EPSTI1: variants seen among roughly 807,000 people sequenced by gnomAD.
The protein encoded by EPSTI1 is epithelial stromal interaction 1, also known as epithelial-stromal interaction protein 1.
Under a neutral mutation model 49.9 loss-of-function variants are expected in EPSTI1, and 66 were observed. The observed-to-expected ratio is 1.32, with a 90% confidence interval of 1.08 to 1.62. EPSTI1 has a LOEUF of 1.62. Among genes scored for constraint, EPSTI1 ranks in the 40% most tolerant of loss-of-function variants. The pLI, the probability that EPSTI1 is intolerant of heterozygous loss-of-function variation, is 0.00. For synonymous variants in EPSTI1, 137 were observed against 130.7 expected (o/e 1.05, Z -0.33); for missense variants, 394 against 365.5 (o/e 1.08, Z -0.64).
rs2153437936 is a variant in EPSTI1 at position 42,992,017 on chromosome 13, C to G, written c.149G>C (p.Gly50Ala). 6.2e-7 allele frequency: 1 copy of G among 1,613,446 alleles called. No homozygotes were observed. The highest frequency in any genetic ancestry group is 8.5e-7 in the Non-Finnish European group (1 of 1,180,024). The stretch of plus-strand genomic sequence containing the variant: ...GTGCACGACGCTCTCCCGCGAAGGG[C>G]CCTTAGGGGCTGCCTCCAAACCCTC... The part of the protein sequence containing the change: ...QREGLEAAPK[G>A]PSRESVVHAG... Residue 50 changes from glycine (G) to alanine (A), a missense_variant, in exon 1 of 11, where the codon GGC (glycine) becomes GCC (alanine). Coordinates refer to ENST00000313624, the MANE Select transcript of EPSTI1 (RefSeq NM_033255.5).
intron 9 of EPSTI1, 23 bp downstream of exon 9, chr13:42,900,287 C>T: frequency 1.2e-6 from 2 of 1,605,774 alleles, no homozygotes; most frequent in South Asian, 1.1e-5. Context: ...ACCAAGGATG[C>T]TTATTTTATT....
intron 1 of EPSTI1, among the ~76,000 whole-genome samples, chr13:42,989,861 G>A (rs551874150): frequency 1.3e-5 from 2 of 151,966 alleles, no homozygotes; most frequent in East Asian, 1.9e-4. Context: ...CCAAAGTGCT[G>A]GGATTACAGG....
chr13:42,983,350 G>C (rs961687165), intron 1 of EPSTI1, among the ~76,000 whole-genome samples: 18 of 152,096 alleles, frequency 1.2e-4, no homozygotes, highest in Admixed American at 1.2e-3. Flanking sequence ...TGGATCACGA[G>C]GTCAGCAGTT....
intron 3 of EPSTI1, among the ~76,000 whole-genome samples, chr13:42,966,480 G>A (rs1303692136): frequency 2.5e-5 from 1 of 40,310 alleles, no homozygotes; most frequent in Non-Finnish European, 5.2e-5. Flanking sequence ...CCGAGACCCC[G>A]TCTGGGAGGT....
rs1211643171 is a variant in EPSTI1 at position 42,992,227 on chromosome 13, AGC to A, written c.-64_-63del. 1.2e-5 allele frequency: 17 copies of A among 1,466,680 alleles called. No homozygotes were observed. The East Asian group carries it at 4.1e-4, about 35-fold the overall frequency. The allele number at this position is 1,466,680 out of a possible 1,614,324, so 90.9% of individuals were successfully genotyped here. The stretch of plus-strand genomic sequence containing the variant: ...CGGGAGGGATGCGGCTGGGACGCTT[AGC>A]GAGTCTCAAGATGGGATTCCAAAGT... On this transcript the variant is annotated 5_prime_UTR_variant, in exon 1 of 11. Coordinates refer to ENST00000313624, the MANE Select transcript of EPSTI1 (RefSeq NM_033255.5).
At chr13:42,908,198 G>A (rs879679735) in intron 8 of EPSTI1, among the ~76,000 whole-genome samples, 3 of 152,174 alleles carry the variant, frequency 2.0e-5, no homozygotes, top group Non-Finnish European at 4.4e-5. Flanking sequence ...AAGAGAATAT[G>A]GGGGAAGCTG....
At chr13:42,890,300 T>C (rs1306161012) in intron 10 of EPSTI1, among the ~76,000 whole-genome samples, 5 of 136,656 alleles carry the variant, frequency 3.7e-5, no homozygotes, top group Admixed American at 2.3e-4. Flanking sequence ...TCTTTTCTTT[T>C]TTTTTTTTTT....
At chr13:42,938,932 A>AAC (rs1566136910) in intron 6 of EPSTI1, among the ~76,000 whole-genome samples, 3 of 149,768 alleles carry the variant, frequency 2.0e-5, no homozygotes, top group African/African-American at 7.4e-5. Flanking sequence ...AAAAAAAAAA[A>AAC]TCTGTTGTTT....
rs566804634 is a variant in EPSTI1 at position 42,954,853 on chromosome 13, T to A, written c.490-832A>T. Among the ~76,000 whole-genome samples the A allele has an allele frequency of 7.3e-5, 11 of 151,592 alleles. No homozygotes were observed. In the South Asian group the frequency reaches 1.3e-3, roughly 17 times the overall value. ...CAAGAGAGACAGTAAGGAGCTGGGG[T>A]TGCTTTAATAAAAATTGGATTTGCC... On this transcript the variant is annotated intron_variant, in intron 5 of 10. Coordinates refer to ENST00000313624, the MANE Select transcript of EPSTI1 (RefSeq NM_033255.5).
chr13:42,989,334 G>A (rs1246958020), intron 1 of EPSTI1, among the ~76,000 whole-genome samples: 2 of 151,976 alleles, frequency 1.3e-5, no homozygotes, highest in African/African-American at 4.8e-5. Flanking sequence ...AGGAAACTGA[G>A]GCATAAAGTA....
At position 42,964,557 on chromosome 13, in the gene EPSTI1, T is replaced by A. The variant is rs74061452; in HGVS notation, c.332-418A>T. Among the ~76,000 whole-genome samples the A allele has an allele frequency of 8.5e-3, 1,294 of 152,300 alleles. 19 individuals are homozygous for A. Among genetic ancestry groups the A allele is most frequent in the African/African-American group, 0.029 (1,214 of 41,554 alleles). On this transcript the variant is annotated intron_variant, in intron 3 of 10. Transcript: ENST00000313624. ...ATCAAAGGTGCTTCTATTGCTTTTC[T>A]TCTTCTAACTCTATTGCCTTATATT...
rs561807314 is a variant in EPSTI1 at position 42,964,122 on chromosome 13, T to C, written c.349A>G (p.Thr117Ala). The change falls in exon 4 of 11, where the codon ACT becomes GCT. Residue 117 changes from threonine (T) to alanine (A), a missense_variant. Transcript: ENST00000313624. ...AGTTGTTGTTTCTGTCTGACTTCAG[T>C]TTCTGACTGGCTTCCACCTTAGGAA... The part of the protein sequence containing the change: ...PRRLGGSQSE[T>A]EVRQKQQLQL... 4.3e-6 allele frequency: 7 copies of C among 1,613,528 alleles called. No individual in the cohort carries two copies. The South Asian group carries it at 4.4e-5, about 10-fold the overall frequency.
chr13:42,962,212 G>A (rs988809962), intron 5 of EPSTI1, among the ~76,000 whole-genome samples: 7 of 152,218 alleles, frequency 4.6e-5, no homozygotes, highest in African/African-American at 1.2e-4. Flanking sequence ...TATGCTCCTC[G>A]AGCTTTTATG....
At chr13:42,955,882 G>GA (rs940832591) in intron 5 of EPSTI1, among the ~76,000 whole-genome samples, 1 of 144,506 alleles carries the variant, frequency 6.9e-6, no homozygotes, top group Non-Finnish European at 1.5e-5. Context: ...GTATTTGGGG[G>GA]GGGGGGGAAG....
chr13:42,981,847 A>T (rs1333731093), intron 1 of EPSTI1, among the ~76,000 whole-genome samples: 1 of 152,102 alleles, frequency 6.6e-6, no homozygotes, highest in Non-Finnish European at 1.5e-5. Flanking sequence ...GTTTTGTGAA[A>T]TTTTTTCAGT....
At chr13:42,964,005 C>T (rs2039535679) in intron 4 of EPSTI1, 61 bp downstream of exon 4, 1 of 1,407,698 alleles carries the variant, frequency 7.1e-7, no homozygotes, top group Admixed American at 2.0e-5. Flanking sequence ...TTCACAGTTA[C>T]TTGTAAGAGC....
At chr13:42,946,447 A>G (rs1395181513) in intron 6 of EPSTI1, among the ~76,000 whole-genome samples, 1 of 152,172 alleles carries the variant, frequency 6.6e-6, no homozygotes, top group East Asian at 1.9e-4. Flanking sequence ...TGGAAATTGT[A>G]CGTAGGAATA....
chr13:42,906,468 C>T (rs1162885349), intron 8 of EPSTI1, among the ~76,000 whole-genome samples: 2 of 152,172 alleles, frequency 1.3e-5, no homozygotes, highest in South Asian at 2.1e-4. Flanking sequence ...AAAATGCCAT[C>T]GCCTGGCAAA....
At chr13:42,916,884 C>G (rs1308619036) in intron 8 of EPSTI1, among the ~76,000 whole-genome samples, 1 of 152,106 alleles carries the variant, frequency 6.6e-6, no homozygotes, top group Admixed American at 6.6e-5. Flanking sequence ...TCATTTCATG[C>G]TGAGCAGCTT....
Sources: gnomAD v4.1 joint callset for allele counts (sites outside exome capture counted in the v4.1 genomes callset) on GRCh38, gnomAD v4.1.1 for gene constraint, MANE v1.5 for transcripts, NCBI Gene and HGNC (gene_info 2026-07-23, HGNC 2026-07-21) for gene names.